Variants in DTNA observed in about 807,000 individuals in gnomAD.
The protein encoded by DTNA is dystrophin-related protein 3.
In DTNA, 43 loss-of-function variants were observed where a neutral mutation model predicts 100.7. The ratio of observed to expected loss-of-function variants is 0.43; its 90% confidence interval spans 0.33 to 0.55. DTNA has a LOEUF of 0.55. Among genes scored for constraint, DTNA ranks in the 20% least tolerant of loss-of-function variants. DTNA has a pLI of 0.04. For missense variants in DTNA, 798 were observed against 953.9 expected (o/e 0.84, Z 2.15); for synonymous variants, 349 against 347.9 (o/e 1.00, Z -0.04).
At chr18:34,718,243 A>G (rs1480648628) in intron 1 of DTNA, among the ~76,000 whole-genome samples, 1 of 152,168 alleles carries the variant, frequency 6.6e-6, no homozygotes. Flanking sequence ...GAAATGTATG[A>G]CACATGACAA....
intron 1 of DTNA, chr18:34,755,748 C>G (rs1327695427): frequency 2.0e-6 from 1 of 504,312 alleles, no homozygotes; most frequent in African/African-American, 1.9e-5. Context: ...TTATGTTAGA[C>G]AATAAAAATT....
intron 1 of DTNA, among the ~76,000 whole-genome samples, chr18:34,675,571 CA>C (rs1017902893): frequency 4.6e-5 from 7 of 152,006 alleles, no homozygotes; most frequent in Non-Finnish European, 8.8e-5. Context: ...AAAAAGAAGA[CA>C]AATTTTAAAA....
intron 1 of DTNA, among the ~76,000 whole-genome samples, chr18:34,648,741 A>T (rs556364662): frequency 6.6e-6 from 1 of 152,318 alleles, no homozygotes; most frequent in South Asian, 2.1e-4. Context: ...GATTACTGGG[A>T]TTCTTCAAAA....
intron 16 of DTNA, among the ~76,000 whole-genome samples, chr18:34,860,228 T>A (rs920603898): frequency 1.9e-4 from 25 of 131,262 alleles, no homozygotes; most frequent in African/African-American, 5.8e-4. Flanking sequence ...TTGTTTTTTT[T>A]TTTTTTTTTT....
intron 16 of DTNA, among the ~76,000 whole-genome samples, chr18:34,860,925 C>T (rs1478728210): frequency 6.6e-6 from 1 of 152,052 alleles, no homozygotes; most frequent in East Asian, 1.9e-4. Flanking sequence ...CTGAGATTCA[C>T]AGAAGTCACA....
At chr18:34,513,333 A>G in intron 1 of DTNA, among the ~76,000 whole-genome samples, 1 of 152,182 alleles carries the variant, frequency 6.6e-6, no homozygotes, top group Non-Finnish European at 1.5e-5. Flanking sequence ...CTAAATAGTT[A>G]TGGTCATAAC....
chr18:34,750,944 C>T (rs150695650), intron 1 of DTNA, among the ~76,000 whole-genome samples: 50 of 152,304 alleles, frequency 3.3e-4, no homozygotes, highest in Non-Finnish European at 6.0e-4. Flanking sequence ...ACTGTATTCC[C>T]TACCTTTGGA....
chr18:34,750,741 A>G (rs1033671592), intron 1 of DTNA, among the ~76,000 whole-genome samples: 9 of 152,356 alleles, frequency 5.9e-5, no homozygotes, highest in Admixed American at 2.0e-4. Context: ...TTAAGAAGTT[A>G]TACAAATGTA....
intron 2 of DTNA, among the ~76,000 whole-genome samples, chr18:34,762,812 G>C (rs1601608629): frequency 6.6e-6 from 1 of 152,130 alleles, no homozygotes; most frequent in South Asian, 2.1e-4. Flanking sequence ...AGCATTTATA[G>C]ACCTACAGAC....
intron 1 of DTNA, among the ~76,000 whole-genome samples, chr18:34,678,129 A>G (rs2077616139): frequency 6.6e-6 from 1 of 152,152 alleles, no homozygotes; most frequent in Non-Finnish European, 1.5e-5. Flanking sequence ...CCATGAGTCA[A>G]TTATCTCCTA....
At chr18:34,685,770 G>A (rs1222384504) in intron 1 of DTNA, among the ~76,000 whole-genome samples, 1 of 152,180 alleles carries the variant, frequency 6.6e-6, no homozygotes, top group Admixed American at 6.5e-5. Flanking sequence ...CTATCCATGA[G>A]CATGGAATGT....
chr18:34,713,728 T>C (rs1295660854), intron 1 of DTNA, among the ~76,000 whole-genome samples: 3 of 152,092 alleles, frequency 2.0e-5, no homozygotes, highest in Non-Finnish European at 4.4e-5. Context: ...TTGGGCAGTA[T>C]GGCCATTTCC....
chr18:34,718,273 G>A (rs2084483116), intron 1 of DTNA, among the ~76,000 whole-genome samples: 1 of 152,174 alleles, frequency 6.6e-6, no homozygotes, highest in Admixed American at 6.5e-5. Context: ...GGGATGTAAT[G>A]TAACTGAGGT....
intron 7 of DTNA, 78 bp from the exon 8 acceptor site, chr18:34,818,086 T>A (rs2149410593): frequency 6.2e-7 from 1 of 1,611,364 alleles, no homozygotes; most frequent in Non-Finnish European, 8.5e-7. Context: ...AAGGTGCAAT[T>A]CCTGTAAGGC....
chr18:34,583,986 G>A (rs1216855956), intron 1 of DTNA, among the ~76,000 whole-genome samples: 3 of 148,432 alleles, frequency 2.0e-5, no homozygotes, highest in Non-Finnish European at 4.5e-5. Flanking sequence ...TAGAAATCTG[G>A]GAGACTTAAG....
intron 1 of DTNA, among the ~76,000 whole-genome samples, chr18:34,666,243 T>A (rs184354030): frequency 6.6e-6 from 1 of 152,230 alleles, no homozygotes; most frequent in East Asian, 1.9e-4. Flanking sequence ...TCCTTTCATA[T>A]CCTTCACCCA....
intron 3 of DTNA, among the ~76,000 whole-genome samples, chr18:34,787,147 A>G (rs1420624996): frequency 6.6e-6 from 1 of 152,238 alleles, no homozygotes; most frequent in Admixed American, 6.5e-5. Context: ...AGGTGATTCC[A>G]TTGTGAAGCC....
chr18:34,794,337 ATCTC>A lies in DTNA; in HGVS notation c.362+93_362+96del, dbSNP rs140329586. 2,337 of 1,436,220 alleles carry A rather than the reference ATCTC, an allele frequency of 1.6e-3. 28 individuals carry two copies. In the African/African-American group the frequency reaches 0.03, roughly 19 times the overall value. 89.0% of individuals were successfully genotyped at this position (1,436,220 alleles called of 1,614,324 possible). A position where few individuals can be genotyped will look rare whatever the true frequency, so the allele number is the denominator to read the frequency against. ...TGGTCTTTTTCCCAAACAATTTTAT[ATCTC>A]TCTCTTTTTTTTTTTACTCTCTTTT... On this transcript the variant is annotated intron_variant, in intron 4 of 22. Coordinates refer to ENST00000444659, the MANE Select transcript of DTNA (RefSeq NM_001386795.1).
intron 6 of DTNA, 110 bp from the exon 7 acceptor site, chr18:34,815,799 G>A (rs2095583295): frequency 2.1e-6 from 2 of 933,742 alleles, no homozygotes; most frequent in Non-Finnish European, 3.5e-6. Flanking sequence ...TCAGATATTA[G>A]ACATTTATTG....
Sources: allele counts gnomAD v4.1 joint callset (sites outside exome capture counted in the v4.1 genomes callset), GRCh38; gene constraint gnomAD v4.1.1; transcripts MANE v1.5; gene names NCBI Gene and HGNC (gene_info 2026-07-23, HGNC 2026-07-21).